Variants in IGBP1 observed in about 807,000 individuals in gnomAD.
IGBP1 encodes the protein immunoglobulin-binding protein 1.
IGBP1 carries 2 observed loss-of-function variants against 25.9 expected under a neutral mutation model. The observed-to-expected ratio is 0.08, with a 90% CI of 0.03 to 0.24. The LOEUF (loss-of-function observed/expected upper bound fraction) is 0.24, where lower values mean the gene tolerates loss of function less well. Ranked by LOEUF, IGBP1 falls within the 10% of genes least tolerant of loss-of-function variation. The probability of loss-of-function intolerance (pLI) is 1.00; values close to 1 mark genes in which losing one functional copy is unlikely to be tolerated. For synonymous variants in IGBP1, 96 were observed against 93.4 expected (o/e 1.03, Z -0.16); for missense variants, 187 against 260.4 (o/e 0.72, Z 1.94).
At chrX:70,157,817 A>G (rs2085250446) in intron 6 of IGBP1, among the ~76,000 whole-genome samples, 1 of 112,176 alleles carries the variant, frequency 8.9e-6, no homozygotes, top group Non-Finnish European at 1.9e-5. Flanking sequence ...AATATTTTGT[A>G]TCTTCATCTG....
At chrX:70,151,635 T>C (rs1602671084) in intron 6 of IGBP1, among the ~76,000 whole-genome samples, 1 of 111,698 alleles carries the variant, frequency 9.0e-6, no homozygotes, top group East Asian at 2.8e-4. Flanking sequence ...CCCAGCACTT[T>C]GGGAGGCCGA....
chrX:70,139,042 G>A (rs1460127359), intron 3 of IGBP1, among the ~76,000 whole-genome samples: 3 of 111,835 alleles, frequency 2.7e-5, no homozygotes, highest in Non-Finnish European at 5.6e-5. Context: ...AATCCAATTG[G>A]GTGGCCGGGT....
In IGBP1 at chrX:70,153,813, G is replaced by A. The variant is rs189950592; in HGVS notation, c.871+3491G>A. Among the ~76,000 whole-genome samples the A allele has an allele frequency of 3.0e-4, 34 of 111,562 alleles. No individual in the cohort carries two copies. The Admixed American group carries it at 3.2e-3, about 11-fold the overall frequency. ...CTGCCAAGCTCATCGATGTAGCTGA[G>A]GACAGGAGGCTCACATAGGGTTGCT... On this transcript the variant is annotated intron_variant, in intron 6 of 6. Transcript: ENST00000356413.
chrX:70,138,097 T>C (rs1335725680), intron 3 of IGBP1, among the ~76,000 whole-genome samples: 1 of 110,594 alleles, frequency 9.0e-6, no homozygotes, highest in Non-Finnish European at 1.9e-5. Flanking sequence ...GACTGCGCCA[T>C]TGCACTCCAG....
At chrX:70,151,724 A>G (rs1021728807) in intron 6 of IGBP1, among the ~76,000 whole-genome samples, 12 of 110,364 alleles carry the variant, frequency 1.1e-4, no homozygotes, top group Non-Finnish European at 2.1e-4. Flanking sequence ...CCAAAAATAC[A>G]AAAACCAGCC....
chrX:70,149,099 A>G (rs1207753520), intron 5 of IGBP1: 5 of 319,875 alleles, frequency 1.6e-5, no homozygotes, highest in African/African-American at 1.3e-4. Flanking sequence ...ATGATGGCAC[A>G]TGCCTGTAAT....
rs762954223 is a variant in IGBP1 at position 70,154,714 on chromosome X, C to CAAAAAA, written c.871+4409_871+4414dup. Among the ~76,000 whole-genome samples, 14 of 27,101 alleles carry CAAAAAA rather than the reference C, an allele frequency of 5.2e-4. 1 individual carries two copies. The highest frequency in any genetic ancestry group is 2.7e-3 in the East Asian group (2 of 749). The allele number at this position is 27,101 out of a possible 115,157, so 23.5% of individuals were successfully genotyped here. On this transcript the variant is annotated intron_variant, in intron 6 of 6. Coordinates refer to ENST00000356413, the MANE Select transcript of IGBP1 (RefSeq NM_001551.3). Reference sequence around the variant, plus strand: ...AGCAACATGGTAAGACCCCTCTCCACAAAAAAAAAAAAAAAAAAAAAAGTT... The same window carrying CAAAAAA: ...AGCAACATGGTAAGACCCCTCTCCACAAAAAAAAAAAAAAAAAAAAAAAAAAAAGTT...
intron 3 of IGBP1, among the ~76,000 whole-genome samples, chrX:70,144,048 T>G (rs1244632470): frequency 5.4e-5 from 6 of 111,810 alleles, no homozygotes; most frequent in Non-Finnish European, 1.1e-4. Flanking sequence ...ATTAGCTGGG[T>G]GTGGTGGTGC....
In IGBP1 at chrX:70,165,873, A is replaced by G; in HGVS notation, c.912A>G (p.Glu304=). Residue 304 remains glutamate, a synonymous_variant, in exon 7 of 7, where the codon GAA becomes GAG. Coordinates refer to ENST00000356413, the MANE Select transcript of IGBP1 (RefSeq NM_001551.3). The part of the protein sequence containing the change: ...RKAAQQQEEQ[E]EKEEEDDEQT... ...CAGCTCAGCAACAGGAAGAACAAGA[A>G]GAAAAGGAGGAAGAGGATGATGAAC... is the stretch of plus-strand genomic sequence containing the variant. 8.3e-7 allele frequency: 1 copy of G among 1,209,473 alleles called. No homozygotes were observed. The highest frequency in any genetic ancestry group is 1.1e-6 in the Non-Finnish European group (1 of 893,915).
intron 3 of IGBP1, among the ~76,000 whole-genome samples, chrX:70,141,146 C>T (rs1268248283): frequency 9.1e-6 from 1 of 110,201 alleles, no homozygotes; most frequent in Admixed American, 9.7e-5. Context: ...GAGTTCAAGA[C>T]CAGCCTGGCC....
chrX:70,136,713 ATTATTATTAT>A (rs2085096870), intron 3 of IGBP1, among the ~76,000 whole-genome samples: 1 of 106,369 alleles, frequency 9.4e-6, no homozygotes, highest in African/African-American at 3.5e-5. Flanking sequence ...TATTATTATT[ATTATTATTAT>A]TATTATACAG....
At chrX:70,145,142 C>T (rs535855278) in intron 3 of IGBP1, among the ~76,000 whole-genome samples, 1 of 110,159 alleles carries the variant, frequency 9.1e-6, no homozygotes, top group South Asian at 3.9e-4. Context: ...TGGACTTCAG[C>T]TTAAGACCCC....
chrX:70,161,374 A>C (rs2085269775), intron 6 of IGBP1, among the ~76,000 whole-genome samples: 2 of 111,579 alleles, frequency 1.8e-5, no homozygotes, highest in Admixed American at 9.6e-5. Flanking sequence ...AGTCCATCCA[A>C]CACCCAAATC....
intron 6 of IGBP1, among the ~76,000 whole-genome samples, chrX:70,157,578 A>G (rs1414980365): frequency 2.7e-5 from 3 of 112,762 alleles, no homozygotes; most frequent in African/African-American, 9.7e-5. Context: ...ACAATGGAAA[A>G]CTATGTAGCA....
intron 3 of IGBP1, among the ~76,000 whole-genome samples, chrX:70,137,548 A>G (rs768930701): frequency 1.8e-4 from 20 of 110,393 alleles, no homozygotes; most frequent in Non-Finnish European, 3.6e-4. Flanking sequence ...GGTAGAGACA[A>G]ACAGTAAGCT....
Position 70,133,921 on chromosome X carries a change from G to A in IGBP1, c.-27G>A. The A allele has an allele frequency of 8.4e-7, 1 of 1,195,802 alleles. No individual in the cohort carries two copies. The highest frequency in any genetic ancestry group is 1.8e-5 in the South Asian group (1 of 56,047). Reference sequence around the variant, plus strand: ...AGGTTGCCTTTGACCCCGGAAAAGAGATCTTCCGGGTTCCTCTCTCCCCAA... The same window carrying A: ...AGGTTGCCTTTGACCCCGGAAAAGAAATCTTCCGGGTTCCTCTCTCCCCAA... On this transcript the variant is annotated 5_prime_UTR_variant, in exon 2 of 7. Transcript: ENST00000356413.
At chrX:70,136,060 A>T (rs765019683) in intron 3 of IGBP1, among the ~76,000 whole-genome samples, 1 of 111,863 alleles carries the variant, frequency 8.9e-6, no homozygotes, top group Non-Finnish European at 1.9e-5. Flanking sequence ...AAACACTCAA[A>T]GTCAACTATT....
At chrX:70,154,093 T>C (rs2085220803) in intron 6 of IGBP1, among the ~76,000 whole-genome samples, 1 of 98,002 alleles carries the variant, frequency 1.0e-5, no homozygotes, top group Non-Finnish European at 2.0e-5. Flanking sequence ...AGTCTTGCTC[T>C]GTCGCCCAGG....
intron 6 of IGBP1, among the ~76,000 whole-genome samples, chrX:70,162,001 G>T (rs765141420): frequency 2.7e-5 from 3 of 111,684 alleles, no homozygotes; most frequent in African/African-American, 6.5e-5. Flanking sequence ...AGGGAGAAGA[G>T]ATAAATCTCC....
Sources: allele counts gnomAD v4.1 joint callset (sites outside exome capture counted in the v4.1 genomes callset), GRCh38; gene constraint gnomAD v4.1.1; transcripts MANE v1.5; gene names NCBI Gene and HGNC (gene_info 2026-07-23, HGNC 2026-07-21).